The following EIF4E1B variants were observed in gnomAD, a reference collection of about 807,000 sequenced individuals.
The protein encoded by EIF4E1B is eukaryotic translation initiation factor 4E type 1B.
Under a neutral mutation model 31.3 loss-of-function variants are expected in EIF4E1B, and 22 were observed. The ratio of observed to expected loss-of-function variants is 0.70; its 90% CI spans 0.50 to 1.00. EIF4E1B has a LOEUF of 1.00. EIF4E1B is among the 50% of genes least tolerant of loss of function. The pLI is 0.00. For synonymous variants in EIF4E1B, 126 were observed against 120.2 expected, an observed-to-expected ratio of 1.05 and a Z score of -0.31; for missense variants, 290 against 311.6, an observed-to-expected ratio of 0.93 and a Z score of 0.52.
chr5:176,640,018 T>G (rs1462262904), intron 1 of EIF4E1B, among the ~76,000 whole-genome samples: 3 of 152,210 alleles, frequency 2.0e-5, no homozygotes, highest in Non-Finnish European at 4.4e-5. Context: ...CTCCTCCCAC[T>G]GAGAGGTGGC....
intron 1 of EIF4E1B, among the ~76,000 whole-genome samples, chr5:176,633,938 AG>A (rs1760452481): frequency 6.6e-6 from 1 of 152,138 alleles, no homozygotes; most frequent in Non-Finnish European, 1.5e-5. Context: ...CAGACTCCAG[AG>A]GAGGGACAAG....
intron 2 of EIF4E1B, among the ~76,000 whole-genome samples, 157 bp from the exon 3 acceptor site, chr5:176,642,553 A>G (rs1222585253): frequency 6.6e-6 from 1 of 152,200 alleles, no homozygotes; most frequent in Non-Finnish European, 1.5e-5. Context: ...CTCTGATGTG[A>G]GGTTGGGGAT....
At chr5:176,641,861 T>C (rs1368494454) in intron 1 of EIF4E1B, 182 bp from the exon 2 acceptor site, 3 of 152,460 alleles carry the variant, frequency 2.0e-5, no homozygotes, top group Non-Finnish European at 2.9e-5. Context: ...ATAAAGGGTG[T>C]CCAAAGCTTC....
In EIF4E1B at chr5:176,642,801, A is replaced by T. The variant is rs1323606026; in HGVS notation, c.14A>T (p.Glu5Val). The part of the protein sequence containing the change: MLAV[E>V]VSEAEGGIRE... ...GGCACTCACTAAATGCTTGCTGTTG[A>T]GGTAATCAGCCTGGCCTCTCTACCC... Residue 5 changes from glutamate (E) to valine (V), a missense_variant and splice_region_variant, in exon 3 of 9, where the codon GAG becomes GTG. Physicochemically the swap from Glu to Val is moderately radical, Grantham distance 121 (BLOSUM62 -2). Transcript: ENST00000318682. The T allele has an allele frequency of 6.5e-7, 1 of 1,542,820 alleles. No individual in the cohort carries two copies. Among genetic ancestry groups the T allele is most frequent in the Admixed American group, 1.9e-5 (1 of 51,356 alleles).
chr5:176,641,074 C>T (rs1160969293), intron 1 of EIF4E1B, among the ~76,000 whole-genome samples: 2 of 152,130 alleles, frequency 1.3e-5, no homozygotes, highest in East Asian at 1.9e-4. Flanking sequence ...AATCCCAGCA[C>T]TTGGGAGGCC....
At position 176,643,155 on chromosome 5, in the gene EIF4E1B, C is replaced by T; in HGVS notation, c.89C>T (p.Pro30Leu). 3.1e-6 allele frequency: 5 copies of T among 1,613,842 alleles called. No homozygotes were observed. The highest frequency in any genetic ancestry group is 4.2e-6 in the Non-Finnish European group (5 of 1,179,868). The change falls in exon 4 of 9, where the codon CCC becomes CTC. Residue 30 changes from proline (P) to leucine (L), a missense_variant. Coordinates refer to ENST00000318682, the MANE Select transcript of EIF4E1B (RefSeq NM_001099408.2). ...EKEEEAAERT[P>L]TGEKSPNSPR... is the part of the protein sequence containing the mutation. ...GAGGAGGAGGCAGCAGAGAGGACGCCCACAGGAGAAAAGTCTCCAAACTCT... is the reference window on the plus strand; with the variant it reads ...GAGGAGGAGGCAGCAGAGAGGACGCTCACAGGAGAAAAGTCTCCAAACTCT...
At chr5:176,639,600 C>G (rs960588741) in intron 1 of EIF4E1B, among the ~76,000 whole-genome samples, 1 of 151,898 alleles carries the variant, frequency 6.6e-6, no homozygotes, top group Non-Finnish European at 1.5e-5. Flanking sequence ...TGGGGGGAGC[C>G]CTTCCTTCCT....
intron 1 of EIF4E1B, among the ~76,000 whole-genome samples, chr5:176,633,178 C>T (rs1473042722): frequency 2.0e-5 from 3 of 152,134 alleles, no homozygotes; most frequent in Non-Finnish European, 4.4e-5. Flanking sequence ...GATTTTCTAG[C>T]TATCCTGGAG....
intron 1 of EIF4E1B, among the ~76,000 whole-genome samples, chr5:176,633,502 G>T (rs1459677954): frequency 6.6e-6 from 1 of 152,020 alleles, no homozygotes; most frequent in Non-Finnish European, 1.5e-5. Context: ...TTGAGACAGG[G>T]TCTCACTAGG....
rs1454100556 is a variant in EIF4E1B, at chr5:176,645,477, C to T, written c.575C>T (p.Thr192Met). Residue 192 changes from threonine (T) to methionine (M), a missense_variant, in exon 8 of 9, where the codon ACG becomes ATG. By Grantham distance (81) the Thr-to-Met change is moderately conservative. Transcript: ENST00000318682. The surrounding 1 kb of genome is among the most constrained non-coding windows in gnomAD (Gnocchi z 5.4). The part of the protein sequence containing the change: ...RTKGDKIAVW[T>M]REAENQAGVL... ...AAGGGGGACAAGATCGCTGTGTGGA[C>T]GAGGGAGGCGGAAAACCAGGCGGGC... 1.3e-6 allele frequency: 2 copies of T among 1,514,802 alleles called. No homozygotes were observed. Among genetic ancestry groups the T allele is most frequent in the Non-Finnish European group, 1.8e-6 (2 of 1,133,684 alleles). The allele number at this position is 1,514,802 out of a possible 1,614,324, so 93.8% of individuals were successfully genotyped here.
intron 1 of EIF4E1B, among the ~76,000 whole-genome samples, chr5:176,635,277 G>A (rs982972751): frequency 1.3e-5 from 2 of 152,054 alleles, no homozygotes; most frequent in African/African-American, 2.4e-5. Context: ...ATGCTAGAGG[G>A]AGGCCGAAGG....
chr5:176,644,132 G>T (rs898012367), intron 5 of EIF4E1B: 20 of 576,620 alleles, frequency 3.5e-5, no homozygotes, highest in South Asian at 2.0e-4. Context: ...GTAGCTGGAG[G>T]GGGGAGCACC....
Position 176,642,865 on chromosome 5 carries a change from C to CCCCGG in EIF4E1B, c.15+63_15+64insCCCGG, listed in dbSNP as rs56115420. On this transcript the variant is annotated intron_variant, in intron 3 of 8. Coordinates refer to ENST00000318682, the MANE Select transcript of EIF4E1B (RefSeq NM_001099408.2). ...GCCCCGCCCTCTCCCCCCCCCCCCCCGCCCCAGGTGGGCGGGGCAGGTGCT... is the reference window on the plus strand; with the variant it reads ...GCCCCGCCCTCTCCCCCCCCCCCCCCCCCGGGCCCCAGGTGGGCGGGGCAGGTGCT... 65 of 1,173,048 alleles carry CCCCGG rather than the reference C, an allele frequency of 5.5e-5. 3 individuals carry two copies. The highest frequency in any genetic ancestry group is 6.7e-5 in the Non-Finnish European group (61 of 908,772). The allele number at this position is 1,173,048 out of a possible 1,614,324, so 72.7% of individuals were successfully genotyped here. A position where few individuals can be genotyped will look rare whatever the true frequency, so the allele number is the denominator to read the frequency against.
intron 1 of EIF4E1B, 68 bp from the exon 2 acceptor site, chr5:176,641,966 GGTTCTATGT>G (rs1168471283): frequency 6.6e-6 from 1 of 152,594 alleles, no homozygotes; most frequent in Non-Finnish European, 1.5e-5. Context: ...TTGTTCTACG[GGTTCTATGT>G]GTTCTATATC....
chr5:176,644,600 C>T (rs559498564), intron 6 of EIF4E1B, 161 bp downstream of exon 6: 65 of 812,428 alleles, frequency 8.0e-5, no homozygotes, highest in Admixed American at 1.7e-4. Context: ...TACAGGAGCC[C>T]GGACAGAGTA....
rs1404169549 is a variant in EIF4E1B at position 176,645,346 on chromosome 5, G to A, written c.475-31G>A. On this transcript the variant is annotated intron_variant, in intron 7 of 8. Coordinates refer to ENST00000318682, the MANE Select transcript of EIF4E1B (RefSeq NM_001099408.2). This position sits in a 1 kb window ranked among gnomAD's most constrained non-coding sequence, Gnocchi z 5.4. ...CAGGCCAGTCCCTATGTCCCAGCCG[G>A]TGATCTCACAACCCCCTACTTCGGG... The A allele has an allele frequency of 1.3e-6, 2 of 1,544,880 alleles. No individual in the cohort carries two copies. Among genetic ancestry groups the A allele is most frequent in the East Asian group, 2.3e-5 (1 of 43,970 alleles).
In EIF4E1B at chr5:176,646,125, G is replaced by T; in HGVS notation, c.*145G>T. 2 of 705,224 alleles carry T rather than the reference G, an allele frequency of 2.8e-6. No homozygotes were observed. The highest frequency in any genetic ancestry group is 4.8e-6 in the Non-Finnish European group (2 of 417,006). The allele number at this position is 705,224 out of a possible 1,614,324, so 43.7% of individuals were successfully genotyped here. On this transcript the variant is annotated 3_prime_UTR_variant, in exon 9 of 9. Transcript: ENST00000318682. ...GGAATGCAAACACTCTTTAACATGA[G>T]TTGGGGCCTGAGCCTTAGGGGCTAG...
chr5:176,634,652 T>TA (rs34281204), intron 1 of EIF4E1B, among the ~76,000 whole-genome samples: 62,469 of 148,752 alleles, frequency 0.42, 14,140 homozygotes, highest in Non-Finnish European at 0.49. Flanking sequence ...CTCACACAAT[T>TA]CCTGAAGTTT....
At chr5:176,631,378 C>T (rs909112667) in intron 1 of EIF4E1B, among the ~76,000 whole-genome samples, 4 of 152,138 alleles carry the variant, frequency 2.6e-5, no homozygotes, top group Non-Finnish European at 5.9e-5. Context: ...ACAGTAGGCC[C>T]TCAGTTGGTT....
Sources: allele counts gnomAD v4.1 joint callset (sites outside exome capture counted in the v4.1 genomes callset), GRCh38; gene constraint gnomAD v4.1.1; non-coding constraint Gnocchi (gnomAD v3.1); transcripts MANE v1.5; gene names NCBI Gene and HGNC (gene_info 2026-07-23, HGNC 2026-07-21).